The following ALX3 variants were observed in gnomAD, a reference collection of about 807,000 sequenced individuals.
The protein encoded by ALX3 is ALX homeobox 3, also known as homeobox protein aristaless-like 3.
In ALX3, 17 loss-of-function variants were observed where a neutral mutation model predicts 26.3. That is an observed-to-expected ratio of 0.65 (90% CI 0.44 to 0.97). The LOEUF is 0.97. Among genes scored for constraint, ALX3 ranks in the 50% least tolerant of loss-of-function variants. The pLI is 0.00. For missense variants in ALX3, 461 were observed against 466.5 expected, an observed-to-expected ratio of 0.99 and a Z score of 0.11; for synonymous variants, 208 against 201.4, an observed-to-expected ratio of 1.03 and a Z score of -0.28.
chr1:110,063,693 C>T lies in ALX3; in HGVS notation c.594+894G>A, dbSNP rs537730257. Among the ~76,000 whole-genome samples, 419 of 151,814 alleles carry T rather than the reference C, an allele frequency of 2.8e-3. 3 individuals are homozygous for T. The highest frequency in any genetic ancestry group is 0.013 in the South Asian group (60 of 4,800). On this transcript the variant is annotated intron_variant, in intron 2 of 3. Transcript: ENST00000647563. ...CACCTTTCCCCAGAACTCCAACCCACCCCTCCCAGTGTCTCCTGCTTGGTA... is the reference window on the plus strand; with the variant it reads ...CACCTTTCCCCAGAACTCCAACCCATCCCTCCCAGTGTCTCCTGCTTGGTA...
Position 110,060,908 on chromosome 1 carries a change from C to G in ALX3, c.857G>C (p.Gly286Ala), listed in dbSNP as rs1239309424. 1 of 1,613,320 alleles carries G rather than the reference C, an allele frequency of 6.2e-7. No individual in the cohort carries two copies. The highest frequency in any genetic ancestry group is 1.7e-5 in the Admixed American group (1 of 59,986). ...GTGAGCCGCAGAAGGGGCTGGCACC[C>G]CCATGAAGCCAGCCACACTCCCATG... ...HPHGSVAGFM[G>A]VPAPSAAHPG... The change falls in exon 4 of 4, where the codon GGG becomes GCG. Residue 286 changes from glycine to alanine, a missense_variant. By Grantham distance (60) the Gly-to-Ala change is moderately conservative. Transcript: ENST00000647563.
chr1:110,061,646 T>A, intron 2 of ALX3, 83 bp from the exon 3 acceptor site: 2 of 1,580,262 alleles, frequency 1.3e-6, no homozygotes, highest in South Asian at 1.1e-5. Context: ...GATGGTTGTG[T>A]CCTCTTGTGG....
At chr1:110,069,670 C>T (rs1653872612) in intron 1 of ALX3, among the ~76,000 whole-genome samples, 1 of 152,240 alleles carries the variant, frequency 6.6e-6, no homozygotes, top group Non-Finnish European at 1.5e-5. Context: ...TAGTGCATAA[C>T]GGCAGGGAGG....
At chr1:110,063,865 G>A (rs1448872055) in intron 2 of ALX3, among the ~76,000 whole-genome samples, 3 of 151,874 alleles carry the variant, frequency 2.0e-5, no homozygotes, top group Non-Finnish European at 4.4e-5. Flanking sequence ...ATGCTTGGAC[G>A]TGGGCTTCCC....
chr1:110,068,970 C>T (rs771550654), intron 1 of ALX3, among the ~76,000 whole-genome samples: 1 of 152,198 alleles, frequency 6.6e-6, no homozygotes. Flanking sequence ...CTGTCGGTGC[C>T]GGATGCGGCG....
chr1:110,061,797 C>T (rs1653654585), intron 2 of ALX3: 3 of 603,578 alleles, frequency 5.0e-6, no homozygotes, highest in Non-Finnish European at 8.6e-6. Context: ...GCTGTCACTC[C>T]CCAGGTTGAA....
intron 1 of ALX3, among the ~76,000 whole-genome samples, chr1:110,065,466 T>C (rs1246244994): frequency 2.0e-5 from 3 of 152,130 alleles, no homozygotes; most frequent in African/African-American, 7.2e-5. Context: ...CTCAGGTCAA[T>C]ATCAAATTCC....
rs1016308535 is a variant in ALX3, at chr1:110,061,174, C to A, written c.724-133G>T. The A allele has an allele frequency of 1.5e-5, 17 of 1,131,808 alleles. No individual in the cohort carries two copies. The East Asian group carries it at 3.9e-4, about 26-fold the overall frequency. The allele number at this position is 1,131,808 out of a possible 1,614,324, so 70.1% of individuals were successfully genotyped here. ...CCTCCACTTGGCTCAGATCTACCCCCTCTCACCCCCAACACTGGCAGTGGC... is the reference window on the plus strand; with the variant it reads ...CCTCCACTTGGCTCAGATCTACCCCATCTCACCCCCAACACTGGCAGTGGC... On this transcript the variant is annotated intron_variant, in intron 3 of 3. Coordinates refer to ENST00000647563, the MANE Select transcript of ALX3 (RefSeq NM_006492.3).
chr1:110,067,261 G>C (rs1467592726), intron 1 of ALX3, among the ~76,000 whole-genome samples: 1 of 152,230 alleles, frequency 6.6e-6, no homozygotes, highest in East Asian at 1.9e-4. Flanking sequence ...AGGAGTGAGG[G>C]CTGCTCTGCT....
chr1:110,061,296 CG>C, intron 3 of ALX3, 138 bp downstream of exon 3: 1 of 1,351,228 alleles, frequency 7.4e-7, no homozygotes. Flanking sequence ...GCAAGAGCCC[CG>C]GTTTGCAGAG....
chr1:110,065,983 C>T (rs745543086), intron 1 of ALX3, among the ~76,000 whole-genome samples: 13 of 152,390 alleles, frequency 8.5e-5, no homozygotes, highest in African/African-American at 1.4e-4. Flanking sequence ...GCCACAAAGA[C>T]GCCCCACTGA....
In ALX3 at chr1:110,070,648, G is replaced by T; in HGVS notation, c.-36C>A. ...GGCGCACAGGCCTCCGGGGCTCCGG[G>T]GCTCGCGCTGCCCGCGCCGCCTGTG... On this transcript the variant is annotated 5_prime_UTR_variant, in exon 1 of 4. Transcript: ENST00000647563. 1.7e-6 allele frequency: 2 copies of T among 1,201,006 alleles called. No homozygotes were observed. Among genetic ancestry groups the T allele is most frequent in the Non-Finnish European group, 2.1e-6 (2 of 969,002 alleles). 74.4% of individuals were successfully genotyped at this position (1,201,006 alleles called of 1,614,324 possible). A position where few individuals can be genotyped will look rare whatever the true frequency, so the allele number is the denominator to read the frequency against.
chr1:110,062,307 G>C (rs1653669105), intron 2 of ALX3: 1 of 152,336 alleles, frequency 6.6e-6, no homozygotes, highest in Non-Finnish European at 1.5e-5. Context: ...CCATTACCAT[G>C]ATCTGTTTTG....
At chr1:110,068,891 C>T (rs1653851538) in intron 1 of ALX3, among the ~76,000 whole-genome samples, 1 of 152,236 alleles carries the variant, frequency 6.6e-6, no homozygotes, top group African/African-American at 2.4e-5. Flanking sequence ...CTGGGTTTCT[C>T]CCGGCCGCTC....
chr1:110,062,647 A>AGTCACAACAGAAGAAAGCTGTGTGTGT (rs1557802233), intron 2 of ALX3: 1 of 48,110 alleles, frequency 2.1e-5, no homozygotes, highest in African/African-American at 1.1e-4. Context: ...GTGTGTGTGG[A>AGTCACAACAGAAGAAAGCTGTGTGTGT]GTAATCCGTC....
At chr1:110,067,138 C>T (rs1414685808) in intron 1 of ALX3, among the ~76,000 whole-genome samples, 1 of 152,136 alleles carries the variant, frequency 6.6e-6, no homozygotes, top group Admixed American at 6.5e-5. Context: ...AGAGCAGCCT[C>T]CTGAGGAGCA....
rs753136806 is a variant in ALX3, at chr1:110,061,593, G to A, written c.595-30C>T. 8.1e-6 allele frequency: 13 copies of A among 1,613,552 alleles called. No homozygotes were observed. The Admixed American group carries it at 1.3e-4, about 17-fold the overall frequency. ...GGGCAGGTTGTGGGGGTTTGAGGGG[G>A]TGATAGGGCAGCCCTGAGGAAAGGA... On this transcript the variant is annotated intron_variant, in intron 2 of 3. Transcript: ENST00000647563.
intron 2 of ALX3, among the ~76,000 whole-genome samples, chr1:110,063,720 C>T (rs1185048057): frequency 6.6e-6 from 1 of 151,654 alleles, no homozygotes; most frequent in African/African-American, 2.4e-5. Context: ...TGCTTGGTAT[C>T]GGGAAGCCTG....
At position 110,064,768 on chromosome 1, in the gene ALX3, G is replaced by C; in HGVS notation, c.413C>G (p.Pro138Arg). 6.2e-7 allele frequency: 1 copy of C among 1,614,228 alleles called. No individual in the cohort carries two copies. Among genetic ancestry groups the C allele is most frequent in the African/African-American group, 1.3e-5 (1 of 75,058 alleles). ...CLASLHLPLS[P>R]GLPDSMELAK... ...CAACTCCATGGAGTCAGGGAGTCCCGGGGAAAGAGGAAGATGCAGGCTGGC... is the reference window on the plus strand; with the variant it reads ...CAACTCCATGGAGTCAGGGAGTCCCCGGGAAAGAGGAAGATGCAGGCTGGC... Residue 138 changes from proline (P) to arginine (R), a missense_variant, in exon 2 of 4, where the codon CCG becomes CGG. Around this residue, in one of 3 missense-constraint regions of ALX3, gnomAD observed 241 missense variants for 206.1 expected, o/e 1.17. Transcript: ENST00000647563.
Sources: allele counts gnomAD v4.1 joint callset (sites outside exome capture counted in the v4.1 genomes callset), GRCh38; gene constraint gnomAD v4.1.1; regional missense constraint gnomAD v4.1.1; transcripts MANE v1.5; gene names NCBI Gene and HGNC (gene_info 2026-07-23, HGNC 2026-07-21).